GLI2: variants seen among roughly 807,000 people sequenced by gnomAD.
The protein encoded by GLI2 is GLI family zinc finger 2.
In GLI2, 22 loss-of-function variants were observed where a neutral mutation model predicts 78.9. The observed-to-expected ratio is 0.28, with a 90% CI of 0.20 to 0.40. The LOEUF (loss-of-function observed/expected upper bound fraction) is 0.40. Among genes scored for constraint, GLI2 ranks in the 10% least tolerant of loss-of-function variants. The probability of loss-of-function intolerance (pLI) is 1.00; values close to 1 mark genes in which losing one functional copy is unlikely to be tolerated. For synonymous variants in GLI2, 974 were observed against 963.7 expected, an observed-to-expected ratio of 1.01 and a Z score of -0.20; for missense variants, 2,097 against 2,213.2, an observed-to-expected ratio of 0.95 and a Z score of 1.05.
At chr2:120,861,676 C>A (rs1384639216) in intron 2 of GLI2, among the ~76,000 whole-genome samples, 1 of 152,240 alleles carries the variant, frequency 6.6e-6, no homozygotes, top group Non-Finnish European at 1.5e-5. Context: ...CTCGCTGACC[C>A]TGGGGGAACC....
intron 1 of GLI2, among the ~76,000 whole-genome samples, chr2:120,758,882 C>A (rs1683123146): frequency 6.6e-6 from 1 of 152,174 alleles, no homozygotes; most frequent in Non-Finnish European, 1.5e-5. Context: ...GTGGTGGTGA[C>A]TTTTCCAGGG....
intron 2 of GLI2, among the ~76,000 whole-genome samples, chr2:120,890,076 C>T (rs1260189256): frequency 2.0e-5 from 3 of 152,120 alleles, no homozygotes; most frequent in Admixed American, 6.5e-5. Flanking sequence ...TTTTCGTGGT[C>T]GAGTGGTTAG....
intron 2 of GLI2, chr2:120,867,528 C>T (rs1045325457): frequency 6.6e-6 from 1 of 152,380 alleles, no homozygotes; most frequent in Non-Finnish European, 1.5e-5. Context: ...GCAGTGCCGC[C>T]GCTGGGCAGT....
intron 3 of GLI2, among the ~76,000 whole-genome samples, chr2:120,944,622 G>A (rs987121798): frequency 9.2e-5 from 14 of 152,226 alleles, no homozygotes; most frequent in Non-Finnish European, 1.9e-4. Context: ...CGAGGGTGGA[G>A]CCAGCACGAG....
chr2:120,891,617 G>C (rs955195803), intron 2 of GLI2, among the ~76,000 whole-genome samples: 1 of 152,158 alleles, frequency 6.6e-6, no homozygotes, highest in Non-Finnish European at 1.5e-5. Context: ...GTGAAGGGAA[G>C]GGGGAGCAGC....
chr2:120,881,451 G>A (rs1677116992), intron 2 of GLI2, among the ~76,000 whole-genome samples: 2 of 131,508 alleles, frequency 1.5e-5, no homozygotes, highest in South Asian at 2.7e-4. Flanking sequence ...TGGGAGGACT[G>A]TGGAAGGTGG....
At chr2:120,835,714 CT>C (rs1422305821) in intron 2 of GLI2, among the ~76,000 whole-genome samples, 10 of 152,238 alleles carry the variant, frequency 6.6e-5, no homozygotes, top group African/African-American at 2.4e-4. Context: ...TTACATGTAA[CT>C]TTGCTCTGGA....
intron 3 of GLI2, among the ~76,000 whole-genome samples, chr2:120,932,899 G>A (rs1680012543): frequency 6.6e-6 from 1 of 152,220 alleles, no homozygotes; most frequent in African/African-American, 2.4e-5. Context: ...GGCTGAAGGA[G>A]TGCTGTGGTG....
In GLI2 at chr2:120,970,538, C is replaced by G. The variant is rs768661123; in HGVS notation, c.991C>G (p.Leu331Val). 2.5e-6 allele frequency: 4 copies of G among 1,614,062 alleles called. No homozygotes were observed. The Admixed American group carries it at 6.7e-5, about 27-fold the overall frequency. ...CTTCCTGGCCCAGCAGCCCATGGCC[C>G]TCACCTCCATCAATGCCACGCCCAC... ...PTFLAQQPMA[L>V]TSINATPTQL... Residue 331 changes from leucine to valine, a missense_variant, in exon 7 of 14, where the codon CTC (leucine) becomes GTC (valine). Physicochemically the swap from Leu to Val is conservative, Grantham distance 32. Around this residue, in one of 5 missense-constraint regions of GLI2, gnomAD observed 578 missense variants for 612.0 expected, o/e 0.94. Transcript: ENST00000361492.
chr2:120,810,842 C>A (rs775405841), intron 2 of GLI2, among the ~76,000 whole-genome samples: 1 of 152,206 alleles, frequency 6.6e-6, no homozygotes, highest in Non-Finnish European at 1.5e-5. Flanking sequence ...GGACATGTCT[C>A]TTTCTGTCCG....
intron 1 of GLI2, among the ~76,000 whole-genome samples, chr2:120,756,817 A>G (rs569864479): frequency 2.0e-5 from 3 of 152,160 alleles, no homozygotes; most frequent in Admixed American, 1.3e-4. Context: ...GAAAATTTTT[A>G]GCTTTTATGT....
At chr2:120,888,515 A>G (rs1379667361) in intron 2 of GLI2, among the ~76,000 whole-genome samples, 1 of 150,960 alleles carries the variant, frequency 6.6e-6, no homozygotes, top group African/African-American at 2.4e-5. Context: ...GTGCAGTGTG[A>G]TTCAGGGGAG....
At chr2:120,738,120 G>C (rs1682426288) in intron 1 of GLI2, among the ~76,000 whole-genome samples, 1 of 152,202 alleles carries the variant, frequency 6.6e-6, no homozygotes, top group Non-Finnish European at 1.5e-5. Flanking sequence ...CACAGGGACG[G>C]GGGGCACCTT....
At chr2:120,799,714 C>A (rs1038102428) in intron 2 of GLI2, among the ~76,000 whole-genome samples, 1 of 152,174 alleles carries the variant, frequency 6.6e-6, no homozygotes, top group Admixed American at 6.5e-5. Flanking sequence ...CTTGGAACTT[C>A]GGGTCTTCCT....
At chr2:120,900,408 G>A (rs1478646078) in intron 2 of GLI2, among the ~76,000 whole-genome samples, 1 of 152,208 alleles carries the variant, frequency 6.6e-6, no homozygotes, top group Non-Finnish European at 1.5e-5. Flanking sequence ...TGCTGCAGCT[G>A]CTGAGAAGCA....
Position 120,990,154 on chromosome 2 carries a change from G to A in GLI2, c.4189G>A (p.Glu1397Lys). ...CATGCCGTCCAGTCAGGAAACAGCA[G>A]AGGCTGTGCCCAAGGGAGCGATGGG... ...AAMPSSQETA[E>K]AVPKGAMGNM... The change falls in exon 14 of 14, where the codon GAG becomes AAG. Residue 1397 changes from glutamate to lysine, a missense_variant. Glu to Lys is a moderately conservative substitution (Grantham distance 56, BLOSUM62 1). This residue lies in a region of GLI2 where 1,290 missense variants were observed against 1,261.7 expected (regional missense o/e 1.02). Transcript: ENST00000361492. The A allele has an allele frequency of 1.2e-6, 2 of 1,611,470 alleles. No individual in the cohort carries two copies. The highest frequency in any genetic ancestry group is 2.2e-5 in the East Asian group (1 of 44,828).
At chr2:120,903,830 C>T (rs1678383334) in intron 2 of GLI2, among the ~76,000 whole-genome samples, 1 of 152,126 alleles carries the variant, frequency 6.6e-6, no homozygotes, top group Admixed American at 6.5e-5. Flanking sequence ...CTGCTGAGCC[C>T]AGATGTGTTC....
At chr2:120,927,550 C>T in intron 3 of GLI2, 84 bp downstream of exon 3, 1 of 864,372 alleles carries the variant, frequency 1.2e-6, no homozygotes, top group Non-Finnish European at 2.0e-6. Flanking sequence ...GCCACATCTC[C>T]TGCCTCTGTC....
chr2:120,784,237 A>C (rs564541084), intron 1 of GLI2, among the ~76,000 whole-genome samples: 2 of 152,356 alleles, frequency 1.3e-5, no homozygotes, highest in East Asian at 3.9e-4. Context: ...ACACTGTAGA[A>C]GCTTCACCCA....
Sources: gnomAD v4.1 joint callset for allele counts (sites outside exome capture counted in the v4.1 genomes callset) on GRCh38, gnomAD v4.1.1 for gene constraint, gnomAD v4.1.1 regional missense constraint, MANE v1.5 for transcripts, NCBI Gene and HGNC (gene_info 2026-07-23, HGNC 2026-07-21) for gene names.